HS6ST3: variants seen among roughly 807,000 people sequenced by gnomAD.
HS6ST3 encodes heparan-sulfate 6-O-sulfotransferase 3.
HS6ST3 carries 12 observed loss-of-function variants against 36.7 expected under a neutral mutation model. That is an observed-to-expected ratio of 0.33 (90% CI 0.21 to 0.53). The LOEUF is 0.53. HS6ST3 is among the 20% of genes least tolerant of loss of function. HS6ST3 has a pLI of 0.95. For missense variants in HS6ST3, 584 were observed against 640.9 expected, an observed-to-expected ratio of 0.91 and a Z score of 0.96; for synonymous variants, 240 against 257.5, an observed-to-expected ratio of 0.93 and a Z score of 0.65.
chr13:96,623,070 TTATC>T (rs1327920967), intron 1 of HS6ST3, among the ~76,000 whole-genome samples: 1 of 152,204 alleles, frequency 6.6e-6, no homozygotes, highest in Non-Finnish European at 1.5e-5. Context: ...TATTTTTTAT[TTATC>T]TGCTGACTCT....
intron 1 of HS6ST3, among the ~76,000 whole-genome samples, chr13:96,461,409 A>G (rs548840307): frequency 7.6e-4 from 116 of 152,326 alleles, no homozygotes; most frequent in Middle Eastern, 3.4e-3. Flanking sequence ...CTGAGCCTCT[A>G]CTACATGCCA....
At chr13:96,336,400 A>C (rs1214861090) in intron 1 of HS6ST3, among the ~76,000 whole-genome samples, 1 of 152,114 alleles carries the variant, frequency 6.6e-6, no homozygotes, top group East Asian at 1.9e-4. Context: ...CACACATTGG[A>C]GCCCCAACCC....
intron 1 of HS6ST3, among the ~76,000 whole-genome samples, chr13:96,322,712 G>C (rs777892159): frequency 4.6e-5 from 7 of 152,088 alleles, no homozygotes; most frequent in African/African-American, 1.7e-4. Flanking sequence ...ACTCTAAAAA[G>C]AATCTACTGT....
At chr13:96,355,655 G>A (rs1031547258) in intron 1 of HS6ST3, among the ~76,000 whole-genome samples, 1 of 152,094 alleles carries the variant, frequency 6.6e-6, no homozygotes, top group African/African-American at 2.4e-5. Context: ...CCTTCCATGA[G>A]TCATAATTGT....
chr13:96,218,066 A>T (rs544555571), intron 1 of HS6ST3, among the ~76,000 whole-genome samples: 5 of 152,220 alleles, frequency 3.3e-5, no homozygotes, highest in Admixed American at 1.3e-4. Context: ...TCAAAGTAAA[A>T]TATTTAAAGG....
chr13:96,706,405 AATATATTTTATATATATATATAT>A (rs1875422712), intron 1 of HS6ST3, among the ~76,000 whole-genome samples: 1 of 129,390 alleles, frequency 7.7e-6, no homozygotes, highest in South Asian at 2.5e-4. Flanking sequence ...AATATAATAG[AATATATTTTATATATATATATAT>A]ATATATATAT....
chr13:96,556,942 C>T (rs1288785884), intron 1 of HS6ST3, among the ~76,000 whole-genome samples: 1 of 152,164 alleles, frequency 6.6e-6, no homozygotes, highest in South Asian at 2.1e-4. Flanking sequence ...GCAGCAGCTA[C>T]AGCAAAGTGC....
intron 1 of HS6ST3, among the ~76,000 whole-genome samples, chr13:96,729,292 G>T (rs1229299694): frequency 2.6e-5 from 4 of 151,806 alleles, no homozygotes; most frequent in Non-Finnish European, 4.4e-5. Context: ...AAGTAGTGCT[G>T]TCCTTGCATC....
chr13:96,511,109 T>C (rs1057292048), intron 1 of HS6ST3, among the ~76,000 whole-genome samples: 2 of 152,160 alleles, frequency 1.3e-5, no homozygotes, highest in Non-Finnish European at 2.9e-5. Flanking sequence ...CACACTGAGA[T>C]GCATGGTCAC....
intron 1 of HS6ST3, among the ~76,000 whole-genome samples, chr13:96,686,298 TG>T (rs1420982436): frequency 5.9e-5 from 9 of 152,042 alleles, no homozygotes; most frequent in Admixed American, 6.6e-5. Context: ...GAGACCAGAT[TG>T]TAGGTTATTC....
At chr13:96,105,696 G>A (rs2053838423) in intron 1 of HS6ST3, among the ~76,000 whole-genome samples, 2 of 152,052 alleles carry the variant, frequency 1.3e-5, no homozygotes, top group Admixed American at 1.3e-4. Context: ...AACATTGAAT[G>A]GTTAGCAAGA....
chr13:96,401,003 G>A (rs1184944684), intron 1 of HS6ST3, among the ~76,000 whole-genome samples: 1 of 152,054 alleles, frequency 6.6e-6, no homozygotes, highest in Non-Finnish European at 1.5e-5. Context: ...ATGAAAACAG[G>A]AAAATTTGAA....
At chr13:96,248,752 A>G (rs1254720169) in intron 1 of HS6ST3, among the ~76,000 whole-genome samples, 1 of 152,198 alleles carries the variant, frequency 6.6e-6, no homozygotes, top group East Asian at 1.9e-4. Flanking sequence ...ATTATATATG[A>G]TAAGCTCCTA....
intron 1 of HS6ST3, among the ~76,000 whole-genome samples, chr13:96,800,655 T>A (rs139345094): frequency 0.012 from 1,817 of 152,170 alleles, 21 homozygotes; most frequent in Non-Finnish European, 0.018. Context: ...TCCACCCACG[T>A]ATCTGCATCT....
chr13:96,591,909 G>T (rs1467937060), intron 1 of HS6ST3, among the ~76,000 whole-genome samples: 1 of 152,070 alleles, frequency 6.6e-6, no homozygotes, highest in East Asian at 1.9e-4. Context: ...TTATTTGAAG[G>T]AATATTGAAA....
chr13:96,384,050 T>C (rs550637437), intron 1 of HS6ST3, among the ~76,000 whole-genome samples: 180 of 152,220 alleles, frequency 1.2e-3, no homozygotes, highest in Non-Finnish European at 2.1e-3. Context: ...GGGGCACCTC[T>C]TGAGGACTGC....
At chr13:96,421,048 C>T (rs1221204635) in intron 1 of HS6ST3, among the ~76,000 whole-genome samples, 1 of 152,066 alleles carries the variant, frequency 6.6e-6, no homozygotes, top group African/African-American at 2.4e-5. Flanking sequence ...AGTTCCTGAC[C>T]AATATGAGAC....
chr13:96,721,749 T>A (rs921003675), intron 1 of HS6ST3, among the ~76,000 whole-genome samples: 3 of 152,214 alleles, frequency 2.0e-5, no homozygotes, highest in African/African-American at 7.2e-5. Flanking sequence ...ATTGGCCGTA[T>A]ATTACATGAC....
At chr13:96,255,002 G>A (rs1002681232) in intron 1 of HS6ST3, among the ~76,000 whole-genome samples, 15 of 152,118 alleles carry the variant, frequency 9.9e-5, no homozygotes, top group Non-Finnish European at 1.9e-4. Context: ...TAAAATGAAC[G>A]CGTCAGAGTA....
Sources: allele counts gnomAD v4.1 joint callset (sites outside exome capture counted in the v4.1 genomes callset), GRCh38; gene constraint gnomAD v4.1.1; transcripts MANE v1.5; gene names NCBI Gene and HGNC (gene_info 2026-07-23, HGNC 2026-07-21).